The following NPC1 variants were observed in gnomAD, a reference collection of about 807,000 sequenced individuals.
The protein encoded by NPC1 is NPC intracellular cholesterol transporter 1, also known as Niemann-Pick C1 protein.
A neutral mutation model predicts 140.4 loss-of-function variants in NPC1; 85 were observed. The observed-to-expected ratio is 0.61, with a 90% CI of 0.51 to 0.72. The LOEUF is 0.72. Among genes scored for constraint, NPC1 ranks in the 30% least tolerant of loss-of-function variants. NPC1 has a pLI of 0.00. For missense variants in NPC1, 1,504 were observed against 1,623.8 expected (o/e 0.93, Z 1.27); for synonymous variants, 656 against 624.8 (o/e 1.05, Z -0.74).
rs1290043422 is a variant in NPC1, at chr18:23,551,667, A to G, written c.1614T>C (p.Gly538=). The G allele has an allele frequency of 1.9e-6, 3 of 1,614,108 alleles. No homozygotes were observed. Among genetic ancestry groups the G allele is most frequent in the Middle Eastern group, 1.6e-4 (1 of 6,084 alleles). The stretch of plus-strand genomic sequence containing the variant: ...ACACAAGCCACGGGAACACTGGTCC[A>G]CCAAACGTACCCAGACAAGGGTCAT... ...LLHDPCLGTF[G]GPVFPWLVLG... The change falls in exon 10 of 25, where the codon GGT becomes GGC. Residue 538 remains glycine, a synonymous_variant. Coordinates refer to ENST00000269228, the MANE Select transcript of NPC1 (RefSeq NM_000271.5).
intron 23 of NPC1, chr18:23,533,908 G>A (rs1378723030): frequency 3.0e-6 from 1 of 336,982 alleles, no homozygotes; most frequent in East Asian, 7.6e-5. Context: ...GATCCTGGGG[G>A]AGAGGTATGA....
At chr18:23,578,489 A>T (rs2059318947) in intron 1 of NPC1, among the ~76,000 whole-genome samples, 1 of 151,924 alleles carries the variant, frequency 6.6e-6, no homozygotes, top group South Asian at 2.1e-4. Context: ...CTCAGCCTTC[A>T]CTCCCTTCTC....
downstream of NPC1, chr18:23,530,057 C>T: frequency 3.7e-6 from 6 of 1,614,184 alleles, no homozygotes; most frequent in Non-Finnish European, 4.2e-6. Flanking sequence ...TTATCAAAAC[C>T]CTTGTCCAGC....
intron 3 of NPC1, among the ~76,000 whole-genome samples, chr18:23,570,990 GT>G (rs2059194089): frequency 6.6e-6 from 1 of 152,138 alleles, no homozygotes; most frequent in Non-Finnish European, 1.5e-5. Context: ...CATGATGAGA[GT>G]CTCAGGCCAG....
At chr18:23,527,589 C>CTTTTTTTTTTT (rs71163615), downstream of NPC1, among the ~76,000 whole-genome samples, 1 of 108,368 alleles carries the variant, frequency 9.2e-6, no homozygotes, top group African/African-American at 3.6e-5. Flanking sequence ...CCTGCTATAG[C>CTTTTTTTTTTT]TTTTTTTTTT....
At chr18:23,530,265 CCTG>C, downstream of NPC1, 1 of 1,614,194 alleles carries the variant, frequency 6.2e-7, no homozygotes, top group Non-Finnish European at 8.5e-7. Context: ...TTTCTATCCT[CCTG>C]CTCATCAGCT....
chr18:23,533,446 G>A lies in NPC1; in HGVS notation c.3663C>T (p.Phe1221=), dbSNP rs2058572545. ...VVLAFAKSQI[F]QIFYFRMYLA... is the part of the protein sequence containing the mutation. ...AATACATCCTGAAGTAGAATATCTG[G>A]AAAATTTGAGATTTGGCAAAAGCCA... The change falls in exon 24 of 25, where the codon TTC becomes TTT. Residue 1221 remains phenylalanine (F), a synonymous_variant. Coordinates refer to ENST00000269228, the MANE Select transcript of NPC1 (RefSeq NM_000271.5). 2 of 1,614,080 alleles carry A rather than the reference G, an allele frequency of 1.2e-6. No homozygotes were observed. Among genetic ancestry groups the A allele is most frequent in the Admixed American group, 1.7e-5 (1 of 60,006 alleles).
At chr18:23,585,681 C>T in intron 1 of NPC1, among the ~76,000 whole-genome samples, 1 of 152,122 alleles carries the variant, frequency 6.6e-6, no homozygotes. Flanking sequence ...AGTTCCAGGC[C>T]CCATCCTGTC....
rs1220434877 is a variant in NPC1, at chr18:23,586,484, G to T, written c.-141C>A. 2.1e-6 allele frequency: 3 copies of T among 1,427,856 alleles called. No homozygotes were observed. Among genetic ancestry groups the T allele is most frequent in the Non-Finnish European group, 2.7e-6 (3 of 1,099,042 alleles). The allele number at this position is 1,427,856 out of a possible 1,614,324, so 88.4% of individuals were successfully genotyped here. On this transcript the variant is annotated 5_prime_UTR_variant, in exon 1 of 25. It adds an upstream start codon to the 5' untranslated region. Transcript: ENST00000269228. Reference sequence around the variant, plus strand: ...GGAGCAGGCGCTGACCGCGGCAGCAGGCTGCGCGCGCCGGTCAGGAAGGAA... The same window carrying T: ...GGAGCAGGCGCTGACCGCGGCAGCATGCTGCGCGCGCCGGTCAGGAAGGAA...
In NPC1 at chr18:23,554,778, C is replaced by A. The variant is rs778890495; in HGVS notation, c.1533G>T (p.Thr511=). 3 of 1,613,582 alleles carry A rather than the reference C, an allele frequency of 1.9e-6. No homozygotes were observed. Among genetic ancestry groups the A allele is most frequent in the South Asian group, 1.1e-5 (1 of 91,062 alleles). The change falls in exon 9 of 25, where the codon ACG becomes ACT. Residue 511 remains threonine, a synonymous_variant. Coordinates refer to ENST00000269228, the MANE Select transcript of NPC1 (RefSeq NM_000271.5). The part of the protein sequence containing the change: ...DDFFVYADYH[T]HFLYCVRAPA... ...CTTACCGTACGCAGTACAGAAAGTGCGTGTGGTAATCGGCATACACAAAGA... is the reference window on the plus strand; with the variant it reads ...CTTACCGTACGCAGTACAGAAAGTGAGTGTGGTAATCGGCATACACAAAGA...
rs2057982774 is a variant in NPC1, at chr18:23,515,669, A to G, written c.432-9027T>C. 2.6e-5 allele frequency among the ~76,000 whole-genome samples: 4 copies of G among 152,292 alleles called. No individual in the cohort carries two copies. In the South Asian group the frequency reaches 8.3e-4, roughly 32 times the overall value. On this transcript the variant is annotated intron_variant, in intron 3 of 3. Coordinates refer to the NPC1 transcript ENST00000591107. ...TGCCTCAGCCTTCTGAGTAGCTGGA[A>G]TTACAGGCATGTGCCACCACGCCTG...
At chr18:23,556,749 C>T (rs1420598761) in intron 7 of NPC1, 136 bp from the exon 8 acceptor site, 1 of 1,348,380 alleles carries the variant, frequency 7.4e-7, no homozygotes, top group Admixed American at 2.0e-5. Context: ...GACCCCTGCC[C>T]TCAGCTACCT....
Position 23,536,679 on chromosome 18 carries a change from G to A in NPC1, c.3239C>T (p.Pro1080Leu). 6.2e-7 allele frequency: 1 copy of A among 1,613,858 alleles called. No homozygotes were observed. The highest frequency in any genetic ancestry group is 1.7e-5 in the Admixed American group (1 of 60,018). The change falls in exon 21 of 25, where the codon CCT (proline) becomes CTT (leucine). Residue 1080 changes from proline to leucine, a missense_variant. By Grantham distance (98) the Pro-to-Leu change is moderately conservative. Coordinates refer to ENST00000269228, the MANE Select transcript of NPC1 (RefSeq NM_000271.5). ...GAAAAAGGGCAGGCTTTACCTGTAA[G>A]GAAATACTCGGTAGGCACTGCCGTT... ...GINGSAYRVFPYSVFYVFYEQ... is the reference protein window; with the variant it reads ...GINGSAYRVFLYSVFYVFYEQ...
intron 3 of NPC1, chr18:23,506,683 C>T (rs930661079): frequency 6.1e-5 from 17 of 280,182 alleles, no homozygotes; most frequent in African/African-American, 3.2e-4. Flanking sequence ...GGCTCCTGAG[C>T]GGGTCTATAG....
chr18:23,534,319 T>G, intron 23 of NPC1, 127 bp downstream of exon 23: 1 of 728,658 alleles, frequency 1.4e-6, no homozygotes, highest in Non-Finnish European at 2.4e-6. Flanking sequence ...AGCTAATTCA[T>G]GAATTGCCTG....
chr18:23,543,312 G>C, intron 14 of NPC1, 143 bp downstream of exon 14: 1 of 580,868 alleles, frequency 1.7e-6, no homozygotes, highest in East Asian at 3.0e-5. Context: ...CTGGGTGGCA[G>C]AGTGAGACTC....
chr18:23,539,748 GCTGA>G, intron 18 of NPC1, 59 bp downstream of exon 18: 2 of 1,544,730 alleles, frequency 1.3e-6, no homozygotes, highest in Non-Finnish European at 1.8e-6. Flanking sequence ...TCAGGCCTGA[GCTGA>G]CTGCCTGGCT....
At position 23,544,943 on chromosome 18, in the gene NPC1, A is replaced by ACCCC. The variant is rs3837910; in HGVS notation, c.1947+13_1947+16dup. Reference sequence around the variant, plus strand: ...GCTGTTAACCTCTAGAACATACACCACCCCCCCCCGGCTTACCAGAAGCCT... The same window carrying ACCCC: ...GCTGTTAACCTCTAGAACATACACCACCCCCCCCCCCCCGGCTTACCAGAAGCCT... On this transcript the variant is annotated intron_variant, in intron 12 of 24. Transcript: ENST00000269228. 22,404 of 997,652 alleles carry ACCCC rather than the reference A, an allele frequency of 0.022. 568 individuals are homozygous for ACCCC. The highest frequency in any genetic ancestry group is 0.048 in the Admixed American group (2,084 of 43,426). 61.8% of individuals were successfully genotyped at this position (997,652 alleles called of 1,614,324 possible). A position where few individuals can be genotyped will look rare whatever the true frequency, so the allele number is the denominator to read the frequency against.
Position 23,534,441 on chromosome 18 carries a change from C to T in NPC1, c.3591+5G>A. ...TGCCGGCGTGGCCCTGCTCAGGGTACTCACGGAGCTGCCCATGTGGGCAAG... is the reference window on the plus strand; with the variant it reads ...TGCCGGCGTGGCCCTGCTCAGGGTATTCACGGAGCTGCCCATGTGGGCAAG... On this transcript the variant is annotated splice_donor_5th_base_variant and intron_variant, in intron 23 of 24. Coordinates refer to ENST00000269228, the MANE Select transcript of NPC1 (RefSeq NM_000271.5). The T allele has an allele frequency of 6.2e-7, 1 of 1,604,950 alleles. No individual in the cohort carries two copies. The highest frequency in any genetic ancestry group is 8.5e-7 in the Non-Finnish European group (1 of 1,172,984).
Sources: allele counts gnomAD v4.1 joint callset (sites outside exome capture counted in the v4.1 genomes callset), GRCh38; gene constraint gnomAD v4.1.1; transcripts MANE v1.5; gene names NCBI Gene and HGNC (gene_info 2026-07-23, HGNC 2026-07-21).